ULK4: variants seen among roughly 807,000 people sequenced by gnomAD.
ULK4 encodes the protein unc-51 like kinase 4.
In ULK4, 133 loss-of-function variants were observed where a neutral mutation model predicts 160.6. That is an observed-to-expected ratio of 0.83 (90% confidence interval 0.72 to 0.96). The LOEUF is 0.96. Ranked by LOEUF, ULK4 falls within the 40% of genes least tolerant of loss-of-function variation. ULK4 has a pLI of 0.00. For synonymous variants in ULK4, 534 were observed against 539.8 expected, an observed-to-expected ratio of 0.99 and a Z score of 0.15; for missense variants, 1,580 against 1,499.5, an observed-to-expected ratio of 1.05 and a Z score of -0.89.
intron 32 of ULK4, among the ~76,000 whole-genome samples, chr3:41,479,845 TATTTTTC>T (rs2084259492): frequency 6.6e-6 from 1 of 152,216 alleles, no homozygotes. Context: ...GACAAATTCC[TATTTTTC>T]ATTTTTCCTT....
chr3:41,829,610 A>C (rs1273246219), intron 18 of ULK4, among the ~76,000 whole-genome samples: 1 of 152,172 alleles, frequency 6.6e-6, no homozygotes, highest in Non-Finnish European at 1.5e-5. Context: ...ATCTCACACC[A>C]GTTAGAATGG....
chr3:41,892,930 T>C (rs116468081), intron 16 of ULK4, among the ~76,000 whole-genome samples: 1,913 of 152,324 alleles, frequency 0.013, 38 homozygotes, highest in African/African-American at 0.041. Flanking sequence ...AGGAGACAAA[T>C]TTGAGACTGA....
chr3:41,480,665 T>G (rs545142422), intron 32 of ULK4, among the ~76,000 whole-genome samples: 1 of 152,338 alleles, frequency 6.6e-6, no homozygotes, highest in East Asian at 1.9e-4. Context: ...ATAGCATATG[T>G]ATTAGTCCAT....
At chr3:41,760,456 A>T (rs994786676) in intron 21 of ULK4, among the ~76,000 whole-genome samples, 9 of 152,174 alleles carry the variant, frequency 5.9e-5, no homozygotes, top group Non-Finnish European at 7.4e-5. Context: ...CCTTGTACAC[A>T]AAAATTGTAC....
intron 34 of ULK4, among the ~76,000 whole-genome samples, chr3:41,405,542 T>G (rs1222351743): frequency 2.0e-5 from 3 of 152,128 alleles, no homozygotes; most frequent in Non-Finnish European, 4.4e-5. Context: ...AGTTGAGAAT[T>G]CTCCAAATGG....
intron 35 of ULK4, among the ~76,000 whole-genome samples, chr3:41,274,102 A>T (rs2079187884): frequency 6.6e-6 from 1 of 152,174 alleles, no homozygotes; most frequent in Non-Finnish European, 1.5e-5. Context: ...TCAAGGCAGT[A>T]AGCTGAGGCA....
At chr3:41,817,213 A>G (rs935842904) in intron 19 of ULK4, among the ~76,000 whole-genome samples, 20 of 152,322 alleles carry the variant, frequency 1.3e-4, no homozygotes, top group African/African-American at 4.6e-4. Flanking sequence ...ATTAAGTCTC[A>G]AAAGAATGTG....
chr3:41,248,296 A>C (rs946723514), intron 36 of ULK4, among the ~76,000 whole-genome samples: 2 of 152,054 alleles, frequency 1.3e-5, no homozygotes. Context: ...TGTGCTCCTC[A>C]AAATAGTCTT....
At chr3:41,481,800 C>G (rs2084332635) in intron 32 of ULK4, among the ~76,000 whole-genome samples, 1 of 136,980 alleles carries the variant, frequency 7.3e-6, no homozygotes, top group South Asian at 2.3e-4. Context: ...GCACTCCAGC[C>G]TGGGCGACAG....
intron 32 of ULK4, among the ~76,000 whole-genome samples, chr3:41,530,960 C>T (rs1038641379): frequency 2.0e-5 from 3 of 150,938 alleles, no homozygotes; most frequent in South Asian, 4.3e-4. Context: ...GACGGGGTTT[C>T]ACCACGTTGG....
chr3:41,785,444 T>C (rs1357004672), intron 21 of ULK4, among the ~76,000 whole-genome samples: 1 of 152,192 alleles, frequency 6.6e-6, no homozygotes, highest in Non-Finnish European at 1.5e-5. Flanking sequence ...TTCCAGCTAA[T>C]TTTGTTTTCT....
chr3:41,303,872 C>T (rs2079847044), intron 35 of ULK4, among the ~76,000 whole-genome samples: 2 of 151,938 alleles, frequency 1.3e-5, no homozygotes, highest in South Asian at 4.2e-4. Flanking sequence ...GGGTGGGGGG[C>T]AACCAAAAGG....
At chr3:41,515,038 T>A (rs1242464929) in intron 32 of ULK4, among the ~76,000 whole-genome samples, 1 of 152,064 alleles carries the variant, frequency 6.6e-6, no homozygotes, top group Non-Finnish European at 1.5e-5. Context: ...GTAGATCACT[T>A]GAGGTCAGGA....
chr3:41,453,459 G>T (rs1359215890), intron 34 of ULK4, among the ~76,000 whole-genome samples: 2 of 152,160 alleles, frequency 1.3e-5, no homozygotes, highest in Admixed American at 6.5e-5. Context: ...TTACAGGCAT[G>T]AGCCACCACA....
intron 34 of ULK4, among the ~76,000 whole-genome samples, chr3:41,455,248 C>T (rs1255097785): frequency 1.3e-5 from 2 of 152,188 alleles, no homozygotes; most frequent in African/African-American, 2.4e-5. Context: ...TTTTTTACCT[C>T]GCATTTGTTA....
intron 35 of ULK4, among the ~76,000 whole-genome samples, chr3:41,281,432 A>C (rs1241899912): frequency 6.6e-6 from 1 of 152,228 alleles, no homozygotes; most frequent in Admixed American, 6.5e-5. Context: ...ATCCAGCAGC[A>C]CATCAGAAAG....
chr3:41,809,830 C>T (rs2040764518), intron 19 of ULK4, among the ~76,000 whole-genome samples: 1 of 152,014 alleles, frequency 6.6e-6, no homozygotes, highest in African/African-American at 2.4e-5. Flanking sequence ...TTTCTAAAAT[C>T]GACTTAAGTT....
chr3:41,547,162 G>A (rs1332638913), intron 32 of ULK4, among the ~76,000 whole-genome samples: 1 of 152,124 alleles, frequency 6.6e-6, no homozygotes, highest in Non-Finnish European at 1.5e-5. Context: ...TAGGTTCAAG[G>A]TAACATCAAT....
At chr3:41,789,543 A>C (rs1276977139) in intron 21 of ULK4, 118 bp downstream of exon 21, 6 of 991,738 alleles carry the variant, frequency 6.0e-6, no homozygotes, top group South Asian at 2.2e-5. Flanking sequence ...GGCAAAGTTC[A>C]AAAAGGCCTC....
Sources: allele counts gnomAD v4.1 joint callset (sites outside exome capture counted in the v4.1 genomes callset), GRCh38; gene constraint gnomAD v4.1.1; transcripts MANE v1.5; gene names NCBI Gene and HGNC (gene_info 2026-07-23, HGNC 2026-07-21).